Variants in WTAP observed in about 807,000 individuals in gnomAD.
The protein encoded by WTAP is pre-mRNA-splicing regulator WTAP.
WTAP carries 8 observed loss-of-function variants against 50.0 expected under a neutral mutation model. The observed-to-expected ratio is 0.16, with a 90% confidence interval of 0.09 to 0.29. The LOEUF is 0.29. Among genes scored for constraint, WTAP ranks in the 10% least tolerant of loss-of-function variants. The pLI, the probability that WTAP is intolerant of heterozygous loss-of-function variation, is 1.00. For synonymous variants in WTAP, 194 were observed against 169.0 expected (o/e 1.15, Z -1.15); for missense variants, 295 against 470.7 (o/e 0.63, Z 3.45).
At position 159,748,411 on chromosome 6, in the gene WTAP, C is replaced by G; in HGVS notation, c.452+42C>G. 1 of 1,605,880 alleles carries G rather than the reference C, an allele frequency of 6.2e-7. No individual in the cohort carries two copies. The highest frequency in any genetic ancestry group is 8.5e-7 in the Non-Finnish European group (1 of 1,174,460). On this transcript the variant is annotated intron_variant, in intron 6 of 7. Transcript: ENST00000621533. This position sits in a 1 kb window ranked among gnomAD's most constrained non-coding sequence, Gnocchi z 5.6. ...CCCCAGTCAAGACTTCCCTGACAGTCCCACTACGAGAAAGCTGTGGTGGGA... is the reference window on the plus strand; with the variant it reads ...CCCCAGTCAAGACTTCCCTGACAGTGCCACTACGAGAAAGCTGTGGTGGGA...
In WTAP at chr6:159,749,636, A is replaced by G. The variant is rs546231789; in HGVS notation, c.452+1267A>G. Among the ~76,000 whole-genome samples the G allele has an allele frequency of 3.9e-5, 6 of 152,258 alleles. No individual in the cohort carries two copies. In the East Asian group the frequency reaches 1.2e-3, roughly 29 times the overall value. On this transcript the variant is annotated intron_variant, in intron 6 of 7. Transcript: ENST00000621533. ...AGACTTGACACTTGTTACTTTTATG[A>G]CACTTTGTCCCAGGGTATTGCAGTA... is the stretch of plus-strand genomic sequence containing the variant.
At chr6:159,727,401 G>GAGGCGGT, upstream of WTAP, 1 of 1,208,308 alleles carries the variant, frequency 8.3e-7, no homozygotes, top group Non-Finnish European at 1.1e-6. Context: ...CGGGAGGCGG[G>GAGGCGGT]AGGCAGTGGC....
intron 3 of WTAP, among the ~76,000 whole-genome samples, chr6:159,739,824 C>CTTTTTTTTTTTTTTT (rs56389349): frequency 1.2e-5 from 1 of 85,158 alleles, no homozygotes; most frequent in Non-Finnish European, 2.2e-5. Flanking sequence ...CACTTTTTAC[C>CTTTTTTTTTTTTTTT]TTTTTTTTTT....
At chr6:159,727,373 C>CGGGCAGG, upstream of WTAP, 1 of 623,036 alleles carries the variant, frequency 1.6e-6, no homozygotes, top group Non-Finnish European at 2.1e-6. Context: ...AGCGGGGAGG[C>CGGGCAGG]TGGCGGGAGG....
At chr6:159,726,771 G>C, upstream of WTAP, 1 of 1,288,964 alleles carries the variant, frequency 7.8e-7, no homozygotes, top group Non-Finnish European at 1.0e-6. Context: ...ATGTCAAGGA[G>C]GAACGAACCC....
At chr6:159,753,948 T>C (rs559053663) in intron 7 of WTAP, among the ~76,000 whole-genome samples, 78 of 152,320 alleles carry the variant, frequency 5.1e-4, no homozygotes, top group Non-Finnish European at 9.3e-4. Flanking sequence ...AGAATAAGCA[T>C]TTCTCGTTAA....
upstream of WTAP, chr6:159,727,359 G>A: frequency 8.0e-7 from 1 of 1,252,620 alleles, no homozygotes; most frequent in Non-Finnish European, 1.0e-6. Context: ...GGCGAACATG[G>A]CGGAGCGGGG....
At chr6:159,744,723 C>T (rs777974015) in intron 5 of WTAP, among the ~76,000 whole-genome samples, 13 of 148,936 alleles carry the variant, frequency 8.7e-5, no homozygotes, top group Admixed American at 2.0e-4. Flanking sequence ...TCCCACTAAC[C>T]CCCCCGCCCT....
intron 1 of WTAP, among the ~76,000 whole-genome samples, chr6:159,728,835 C>T (rs1398427166): frequency 1.3e-5 from 2 of 152,152 alleles, no homozygotes; most frequent in African/African-American, 2.4e-5. Flanking sequence ...GTTAAGGTAT[C>T]TTAAGCAGAC....
At chr6:159,746,058 A>G (rs1779557202) in intron 5 of WTAP, among the ~76,000 whole-genome samples, 1 of 152,230 alleles carries the variant, frequency 6.6e-6, no homozygotes, top group Non-Finnish European at 1.5e-5. Flanking sequence ...GAAATCCAGC[A>G]TTCCCTCCTC....
rs1173157924 is a variant in WTAP at position 159,739,155 on chromosome 6, CAAAT to C, written c.86+113_86+116del. On this transcript the variant is annotated intron_variant, in intron 3 of 7. Transcript: ENST00000621533. ...ATTGTTTTTAATGTTGTTCTATCCTCAAATAATTTAATGTACTTTTTGAGCATAC... is the reference window on the plus strand; with the variant it reads ...ATTGTTTTTAATGTTGTTCTATCCTCAATTTAATGTACTTTTTGAGCATAC... The C allele has an allele frequency of 3.5e-6, 3 of 854,786 alleles. No homozygotes were observed. The East Asian group carries it at 8.4e-5, about 24-fold the overall frequency. The allele number at this position is 854,786 out of a possible 1,614,324, so 53.0% of individuals were successfully genotyped here. A position where few individuals can be genotyped will look rare whatever the true frequency, so the allele number is the denominator to read the frequency against.
chr6:159,735,002 T>C lies in WTAP; in HGVS notation c.-8-1256T>C, dbSNP rs1220610333. Reference sequence around the variant, plus strand: ...CATAATAAAGTGTTCCCTACTTGAATTCATTAACCTATCTTTGAAACAGGG... The same window carrying C: ...CATAATAAAGTGTTCCCTACTTGAACTCATTAACCTATCTTTGAAACAGGG... On this transcript the variant is annotated intron_variant, in intron 1 of 7. Coordinates refer to ENST00000621533, the MANE Select transcript of WTAP (RefSeq NM_001270531.2). 2.0e-5 allele frequency among the ~76,000 whole-genome samples: 3 copies of C among 152,228 alleles called. No homozygotes were observed. In the East Asian group the frequency reaches 5.8e-4, roughly 29 times the overall value.
In WTAP at chr6:159,755,740, T is replaced by TTTTTC; in HGVS notation, c.*133_*137dup. On this transcript the variant is annotated 3_prime_UTR_variant, in exon 8 of 8. Coordinates refer to ENST00000621533, the MANE Select transcript of WTAP (RefSeq NM_001270531.2). ...ACGTTTTGGTTTTTTTTTGTTGTTT[T>TTTTTC]TTTTCTTTGTTTTTTTTTTCTTTTC... 1 of 1,197,814 alleles carries TTTTTC rather than the reference T, an allele frequency of 8.3e-7. No homozygotes were observed. The highest frequency in any genetic ancestry group is 3.9e-5 in the Admixed American group (1 of 25,688). The allele number at this position is 1,197,814 out of a possible 1,614,324, so 74.2% of individuals were successfully genotyped here.
At chr6:159,736,165 T>G (rs1420295226) in intron 1 of WTAP, 93 bp from the exon 2 acceptor site, 1 of 1,220,136 alleles carries the variant, frequency 8.2e-7, no homozygotes. Flanking sequence ...TTTAGTTCAC[T>G]AATAAATTGA....
At chr6:159,754,279 T>C (rs978271937) in intron 7 of WTAP, among the ~76,000 whole-genome samples, 2 of 152,248 alleles carry the variant, frequency 1.3e-5, no homozygotes, top group Non-Finnish European at 2.9e-5. Flanking sequence ...TCAGGAATTA[T>C]TTCCTGTGAC....
At chr6:159,736,160 T>G in intron 1 of WTAP, 98 bp from the exon 2 acceptor site, 2 of 1,157,492 alleles carry the variant, frequency 1.7e-6, no homozygotes, top group Admixed American at 2.2e-5. Context: ...AGTAATTTAG[T>G]TCACTAATAA....
intron 1 of WTAP, among the ~76,000 whole-genome samples, chr6:159,734,397 G>A (rs1321995654): frequency 6.7e-6 from 1 of 149,744 alleles, no homozygotes; most frequent in East Asian, 1.9e-4. Context: ...AAAAAATTCA[G>A]TTTAACATAC....
At chr6:159,736,127 T>C in intron 1 of WTAP, 131 bp from the exon 2 acceptor site, 4 of 941,108 alleles carry the variant, frequency 4.3e-6, no homozygotes, top group Non-Finnish European at 6.3e-6. Flanking sequence ...TAAAATTGTT[T>C]ATTTAAATTC....
chr6:159,726,884 G>A (rs1778194495), upstream of WTAP: 3 of 1,289,214 alleles, frequency 2.3e-6, no homozygotes, highest in African/African-American at 3.0e-5. Context: ...AACGCCCGCG[G>A]CTCGCCGCCC....
Sources: gnomAD v4.1 joint callset for allele counts (sites outside exome capture counted in the v4.1 genomes callset) on GRCh38, gnomAD v4.1.1 for gene constraint, Gnocchi (gnomAD v3.1) non-coding constraint, MANE v1.5 for transcripts, NCBI Gene and HGNC (gene_info 2026-07-23, HGNC 2026-07-21) for gene names.